The following DCC variants were observed in gnomAD, a reference collection of about 807,000 sequenced individuals.
DCC encodes netrin receptor DCC.
DCC carries 58 observed loss-of-function variants against 172.5 expected under a neutral mutation model. The ratio of observed to expected loss-of-function variants is 0.34; its 90% confidence interval spans 0.27 to 0.42. The LOEUF is 0.42. DCC is among the 10% of genes least tolerant of loss of function. DCC has a pLI of 1.00. For missense variants in DCC, 1,740 were observed against 1,791.0 expected, an observed-to-expected ratio of 0.97 and a Z score of 0.51; for synonymous variants, 709 against 644.5, an observed-to-expected ratio of 1.10 and a Z score of -1.52.
chr18:52,427,825 TTCCTTCCTTTCTTCCTTCCTTC>T (rs1208473709), intron 1 of DCC, among the ~76,000 whole-genome samples: 3 of 93,224 alleles, frequency 3.2e-5, no homozygotes, highest in Admixed American at 1.3e-4. Context: ...TCTTCCTTCC[TTCCTTCCTTTCTTCCTTCCTTC>T]CTTCCTTCCT....
chr18:52,986,227 T>G (rs932869211), intron 5 of DCC, among the ~76,000 whole-genome samples: 1 of 152,184 alleles, frequency 6.6e-6, no homozygotes, highest in African/African-American at 2.4e-5. Flanking sequence ...AGAATGAGAA[T>G]GACTTAAGTC....
At chr18:52,827,413 G>A (rs1405053908) in intron 2 of DCC, among the ~76,000 whole-genome samples, 3 of 152,194 alleles carry the variant, frequency 2.0e-5, no homozygotes, top group African/African-American at 7.2e-5. Flanking sequence ...TTGTGAATTT[G>A]CATTTGGGAA....
intron 1 of DCC, among the ~76,000 whole-genome samples, chr18:52,457,093 G>A (rs769277968): frequency 6.6e-6 from 1 of 151,972 alleles, no homozygotes; most frequent in East Asian, 1.9e-4. Context: ...GTCACAAAAG[G>A]CTCTTCACTT....
chr18:53,419,491 C>T (rs1196807219), intron 21 of DCC, among the ~76,000 whole-genome samples: 1 of 152,092 alleles, frequency 6.6e-6, no homozygotes, highest in South Asian at 2.1e-4. Context: ...TTCTCTACAT[C>T]GATGAATTCA....
intron 7 of DCC, among the ~76,000 whole-genome samples, chr18:53,095,452 T>G (rs1245886994): frequency 1.3e-5 from 2 of 152,210 alleles, no homozygotes; most frequent in East Asian, 3.8e-4. Context: ...ATTGCTGCTG[T>G]AACATATTAC....
At chr18:52,960,663 A>T (rs1263371754) in intron 5 of DCC, among the ~76,000 whole-genome samples, 1 of 148,032 alleles carries the variant, frequency 6.8e-6, no homozygotes, top group Non-Finnish European at 1.5e-5. Flanking sequence ...CAACATTATG[A>T]TATTTCCTTG....
At chr18:53,391,962 G>A (rs1599099068) in intron 17 of DCC, 75 bp downstream of exon 17, 1 of 860,722 alleles carries the variant, frequency 1.2e-6, no homozygotes, top group East Asian at 2.6e-5. Flanking sequence ...AACCTCTCCT[G>A]GACTGTCATG....
At chr18:52,868,568 T>C (rs1296732752) in intron 2 of DCC, among the ~76,000 whole-genome samples, 4 of 152,228 alleles carry the variant, frequency 2.6e-5, no homozygotes, top group African/African-American at 9.6e-5. Flanking sequence ...TTCCTAGGCA[T>C]GGACCAAGCT....
rs149265844 is a variant in DCC, at chr18:52,856,941, A to G, written c.413-49103A>G. Among the ~76,000 whole-genome samples, 638 of 152,296 alleles carry G rather than the reference A, an allele frequency of 4.2e-3. 8 individuals carry two copies. Among genetic ancestry groups the G allele is most frequent in the African/African-American group, 0.014 (569 of 41,574 alleles). On this transcript the variant is annotated intron_variant, in intron 2 of 28. Coordinates refer to ENST00000442544, the MANE Select transcript of DCC (RefSeq NM_005215.4). ...CAATATGAAATTCCAGTGCTCCTTGACAATTCTTTTTCTCTAGGCTATGAG... is the reference window on the plus strand; with the variant it reads ...CAATATGAAATTCCAGTGCTCCTTGGCAATTCTTTTTCTCTAGGCTATGAG...
At chr18:52,779,225 C>T (rs979953174) in intron 2 of DCC, among the ~76,000 whole-genome samples, 2 of 152,034 alleles carry the variant, frequency 1.3e-5, no homozygotes, top group East Asian at 1.9e-4. Flanking sequence ...TACATAGGTA[C>T]ACACGTGCCA....
intron 23 of DCC, among the ~76,000 whole-genome samples, chr18:53,454,372 G>A (rs1308354401): frequency 6.6e-6 from 1 of 152,082 alleles, no homozygotes; most frequent in African/African-American, 2.4e-5. Flanking sequence ...CAAAACTTAA[G>A]TTGATTTTTG....
chr18:53,079,516 C>G (rs2042769157), intron 7 of DCC, among the ~76,000 whole-genome samples: 2 of 152,064 alleles, frequency 1.3e-5, no homozygotes, highest in Admixed American at 6.6e-5. Context: ...CATGAAACAT[C>G]CTAGAAAAAG....
chr18:52,483,324 T>C (rs1486965345), intron 1 of DCC, among the ~76,000 whole-genome samples: 1 of 152,120 alleles, frequency 6.6e-6, no homozygotes, highest in Non-Finnish European at 1.5e-5. Flanking sequence ...GCCAACTATA[T>C]CTTTAGCTTC....
intron 5 of DCC, among the ~76,000 whole-genome samples, chr18:52,974,997 C>T (rs1019481602): frequency 1.3e-5 from 2 of 152,136 alleles, no homozygotes; most frequent in Non-Finnish European, 2.9e-5. Flanking sequence ...ATATTATACT[C>T]GATCTCCTGA....
intron 22 of DCC, among the ~76,000 whole-genome samples, chr18:53,439,874 C>T (rs1394117011): frequency 6.7e-6 from 1 of 148,554 alleles, no homozygotes. Context: ...ACGCCATTCT[C>T]CTGCCTCAGC....
At chr18:53,038,053 C>A (rs1480780614) in intron 5 of DCC, among the ~76,000 whole-genome samples, 1 of 151,916 alleles carries the variant, frequency 6.6e-6, no homozygotes, top group African/African-American at 2.4e-5. Flanking sequence ...CCAACAGGTA[C>A]ATTTGAGATT....
chr18:52,565,146 T>A (rs924771679), intron 1 of DCC, among the ~76,000 whole-genome samples: 1 of 152,118 alleles, frequency 6.6e-6, no homozygotes, highest in South Asian at 2.1e-4. Context: ...TTTAAACATT[T>A]ATATTTTTTC....
chr18:53,197,525 A>G (rs573994433), intron 9 of DCC, among the ~76,000 whole-genome samples: 19 of 151,414 alleles, frequency 1.3e-4, no homozygotes, highest in African/African-American at 4.6e-4. Context: ...AAATATTCAA[A>G]TGTTCAACTA....
intron 1 of DCC, among the ~76,000 whole-genome samples, chr18:52,345,492 T>C (rs1983839657): frequency 6.6e-6 from 1 of 152,184 alleles, no homozygotes; most frequent in Non-Finnish European, 1.5e-5. Context: ...TCTCACTAAC[T>C]CATGATTAAT....
Sources: gnomAD v4.1 joint callset for allele counts (sites outside exome capture counted in the v4.1 genomes callset) on GRCh38, gnomAD v4.1.1 for gene constraint, MANE v1.5 for transcripts, NCBI Gene and HGNC (gene_info 2026-07-23, HGNC 2026-07-21) for gene names.